Variants in ULK4 observed in about 807,000 individuals in gnomAD.
ULK4 encodes unc-51 like kinase 4.
A neutral mutation model predicts 160.6 loss-of-function variants in ULK4; 133 were observed. That is an observed-to-expected ratio of 0.83 (90% CI 0.72 to 0.96). The LOEUF (loss-of-function observed/expected upper bound fraction) is 0.96. Among genes scored for constraint, ULK4 ranks in the 40% least tolerant of loss-of-function variants. The pLI is 0.00. For missense variants in ULK4, 1,580 were observed against 1,499.5 expected, an observed-to-expected ratio of 1.05 and a Z score of -0.89; for synonymous variants, 534 against 539.8, an observed-to-expected ratio of 0.99 and a Z score of 0.15.
At chr3:41,521,627 T>A (rs1041277829) in intron 32 of ULK4, among the ~76,000 whole-genome samples, 2 of 152,230 alleles carry the variant, frequency 1.3e-5, no homozygotes, top group African/African-American at 4.8e-5. Flanking sequence ...TAATCACTTA[T>A]CTTGGATTTC....
At position 41,942,106 on chromosome 3, in the gene ULK4, T is replaced by C. The variant is rs114297398; in HGVS notation, c.139-3909A>G. Among the ~76,000 whole-genome samples, 1,029 of 152,306 alleles carry C rather than the reference T, an allele frequency of 6.8e-3. 10 individuals carry two copies. Among genetic ancestry groups the C allele is most frequent in the African/African-American group, 0.024 (989 of 41,562 alleles). On this transcript the variant is annotated intron_variant, in intron 2 of 36. Coordinates refer to ENST00000301831, the MANE Select transcript of ULK4 (RefSeq NM_017886.4). ...TGCGGTGTTCAATGTGGGAGCGATG[T>C]GCCACACAGGGCTACTGAGAACTCG... is the stretch of plus-strand genomic sequence containing the variant.
chr3:41,809,977 A>C (rs1401100783), intron 19 of ULK4, among the ~76,000 whole-genome samples: 1 of 152,236 alleles, frequency 6.6e-6, no homozygotes, highest in East Asian at 1.9e-4. Context: ...AAACACTGGA[A>C]TAAGATGACA....
intron 22 of ULK4, among the ~76,000 whole-genome samples, chr3:41,736,129 G>C (rs2038039630): frequency 6.6e-6 from 1 of 151,328 alleles, no homozygotes; most frequent in South Asian, 2.1e-4. Context: ...CTTTGCTATT[G>C]TGAATAATGC....
chr3:41,455,418 A>C (rs2083522868), intron 34 of ULK4, 79 bp downstream of exon 34: 1 of 1,315,972 alleles, frequency 7.6e-7, no homozygotes. Flanking sequence ...ATAACATAGA[A>C]ACTCAAGAGA....
chr3:41,916,665 T>G (rs1698976484), intron 7 of ULK4, among the ~76,000 whole-genome samples: 1 of 151,790 alleles, frequency 6.6e-6, no homozygotes, highest in Admixed American at 6.6e-5. Flanking sequence ...GTGCTGCAAT[T>G]ACAATTACAA....
At chr3:41,478,261 A>G (rs2084205388) in intron 32 of ULK4, among the ~76,000 whole-genome samples, 1 of 152,206 alleles carries the variant, frequency 6.6e-6, no homozygotes, top group African/African-American at 2.4e-5. Flanking sequence ...ACCCCATCAA[A>G]TCCTATAATC....
chr3:41,253,237 G>A (rs1472311951), intron 35 of ULK4, among the ~76,000 whole-genome samples: 1 of 151,912 alleles, frequency 6.6e-6, no homozygotes. Context: ...CAATAAAAAT[G>A]GTAAATATAA....
chr3:41,774,029 C>T (rs1175712241), intron 21 of ULK4, among the ~76,000 whole-genome samples: 1 of 152,124 alleles, frequency 6.6e-6, no homozygotes, highest in African/African-American at 2.4e-5. Flanking sequence ...ATGTAGAAAG[C>T]TGAAACTGGA....
intron 35 of ULK4, among the ~76,000 whole-genome samples, chr3:41,357,088 A>C (rs1017946742): frequency 6.6e-6 from 1 of 152,160 alleles, no homozygotes; most frequent in Admixed American, 6.6e-5. Flanking sequence ...CCCAGAGTAA[A>C]GCAGTTGTTT....
chr3:41,941,355 A>AAAAC (rs1553690275), intron 2 of ULK4, among the ~76,000 whole-genome samples: 5 of 146,376 alleles, frequency 3.4e-5, no homozygotes, highest in Admixed American at 6.8e-5. Context: ...AAAAAAAAAA[A>AAAAC]CCTTTTTTTT....
At chr3:41,346,901 G>T (rs2125756860) in intron 35 of ULK4, among the ~76,000 whole-genome samples, 1 of 152,232 alleles carries the variant, frequency 6.6e-6, no homozygotes, top group African/African-American at 2.4e-5. Flanking sequence ...TTGAGGGCTT[G>T]GTCACATATA....
rs554192884 is a variant in ULK4, at chr3:41,313,487, T to C, written c.3679-63913A>G. 2.0e-5 allele frequency among the ~76,000 whole-genome samples: 3 copies of C among 152,114 alleles called. No homozygotes were observed. In the East Asian group the frequency reaches 5.8e-4, roughly 29 times the overall value. ...AAAGAATAGCTTTTGGTGTTGATCTTCTCATTTTTGCATTGTTTTCTATTT... is the reference window on the plus strand; with the variant it reads ...AAAGAATAGCTTTTGGTGTTGATCTCCTCATTTTTGCATTGTTTTCTATTT... On this transcript the variant is annotated intron_variant, in intron 35 of 36. Transcript: ENST00000301831.
At chr3:41,721,303 ATG>A (rs1438386639) in intron 22 of ULK4, among the ~76,000 whole-genome samples, 1 of 74,580 alleles carries the variant, frequency 1.3e-5, no homozygotes, top group African/African-American at 5.5e-5. Context: ...AACCATGAGT[ATG>A]TGTTACCTAC....
intron 30 of ULK4, among the ~76,000 whole-genome samples, chr3:41,650,249 G>T (rs1478029224): frequency 6.6e-6 from 1 of 152,144 alleles, no homozygotes; most frequent in Non-Finnish European, 1.5e-5. Flanking sequence ...AAGAACTCAG[G>T]ACCCACCAAA....
Position 41,860,773 on chromosome 3 carries a change from G to A in ULK4, c.1656+23101C>T, listed in dbSNP as rs148730847. Among the ~76,000 whole-genome samples the A allele has an allele frequency of 6.9e-3, 1,036 of 150,984 alleles. 13 individuals carry two copies. The highest frequency in any genetic ancestry group is 0.023 in the African/African-American group (961 of 41,360). ...CTGCCATTTTGTTATTTGTTTTCTG[G>A]TTGTTTTGTGATCTTCTCTTCCTTC... On this transcript the variant is annotated intron_variant, in intron 17 of 36. Transcript: ENST00000301831.
intron 31 of ULK4, among the ~76,000 whole-genome samples, chr3:41,592,422 G>A (rs2031405433): frequency 6.6e-6 from 1 of 152,094 alleles, no homozygotes; most frequent in Non-Finnish European, 1.5e-5. Flanking sequence ...GAGAAAGGGT[G>A]GGAAAGGGGT....
chr3:41,779,595 A>T (rs376068340), intron 21 of ULK4, among the ~76,000 whole-genome samples: 1 of 8,524 alleles, frequency 1.2e-4, no homozygotes, highest in African/African-American at 1.3e-3. Flanking sequence ...CAAATGTCCA[A>T]CAATGATAGA....
intron 35 of ULK4, among the ~76,000 whole-genome samples, chr3:41,279,802 C>A (rs1001835990): frequency 2.6e-4 from 39 of 151,906 alleles, no homozygotes; most frequent in African/African-American, 8.7e-4. Flanking sequence ...TAATATTAAC[C>A]TTAAATGTAA....
intron 27 of ULK4, among the ~76,000 whole-genome samples, chr3:41,689,318 T>C (rs1417086077): frequency 6.6e-6 from 1 of 152,258 alleles, no homozygotes; most frequent in Non-Finnish European, 1.5e-5. Context: ...TAATTAAATT[T>C]AGAAGACTCA....
Sources: allele counts gnomAD v4.1 joint callset (sites outside exome capture counted in the v4.1 genomes callset), GRCh38; gene constraint gnomAD v4.1.1; transcripts MANE v1.5; gene names NCBI Gene and HGNC (gene_info 2026-07-23, HGNC 2026-07-21).